Variants in CDH18 observed in about 807,000 individuals in gnomAD.
CDH18 encodes cadherin-18.
A neutral mutation model predicts 67.9 loss-of-function variants in CDH18; 31 were observed. The ratio of observed to expected loss-of-function variants is 0.46; its 90% CI spans 0.34 to 0.62. The LOEUF is 0.62. CDH18 is among the 20% of genes least tolerant of loss of function. The pLI, the probability that CDH18 is intolerant of heterozygous loss-of-function variation, is 0.01. For missense variants in CDH18, 890 were observed against 975.5 expected (o/e 0.91, Z 1.17); for synonymous variants, 362 against 347.2 (o/e 1.04, Z -0.48).
intron 1 of CDH18, among the ~76,000 whole-genome samples, chr5:20,333,722 A>G (rs886307950): frequency 6.6e-6 from 1 of 152,104 alleles, no homozygotes; most frequent in Non-Finnish European, 1.5e-5. Context: ...GCTATTTGCT[A>G]CAGTGTTATG....
chr5:20,242,636 A>ATATATATATATATATATG (rs1743062374), intron 2 of CDH18, among the ~76,000 whole-genome samples: 2 of 58,400 alleles, frequency 3.4e-5, no homozygotes, highest in African/African-American at 1.8e-4. Flanking sequence ...ATATATATGT[A>ATATATATATATATATATG]TATATATATA....
intron 3 of CDH18, among the ~76,000 whole-genome samples, chr5:19,796,819 G>A (rs1776906259): frequency 6.6e-6 from 1 of 152,018 alleles, no homozygotes. Flanking sequence ...ATGGTAAAAT[G>A]TTGATATGTG....
intron 1 of CDH18, among the ~76,000 whole-genome samples, chr5:20,448,625 A>AT (rs1750192083): frequency 6.6e-6 from 1 of 151,916 alleles, no homozygotes; most frequent in East Asian, 1.9e-4. Context: ...ATACTCAAAA[A>AT]TTTTCTCACT....
At chr5:20,222,963 T>C (rs1741347079) in intron 2 of CDH18, among the ~76,000 whole-genome samples, 1 of 152,126 alleles carries the variant, frequency 6.6e-6, no homozygotes, top group Admixed American at 6.6e-5. Flanking sequence ...ACTTGTAATA[T>C]TTCTCCTAGA....
At chr5:19,880,867 T>C (rs1268631894) in intron 2 of CDH18, among the ~76,000 whole-genome samples, 3 of 152,190 alleles carry the variant, frequency 2.0e-5, no homozygotes, top group Admixed American at 1.3e-4. Context: ...TCAAAAGGAA[T>C]GTTTCCCATT....
intron 2 of CDH18, among the ~76,000 whole-genome samples, chr5:19,859,989 G>GGTGGGT (rs1554052083): frequency 5.6e-5 from 8 of 143,148 alleles, no homozygotes; most frequent in African/African-American, 1.3e-4. Context: ...GTTTGCTTTG[G>GGTGGGT]GTGTGTGTGT....
In CDH18 at chr5:20,105,728, T is replaced by C. The variant is rs539464891; in HGVS notation, c.-517-113714A>G. ...ATAACATTTCTAAGATTTGTACCTG[T>C]TGTTGCATGTCTCAGATATTCAGAC... On this transcript the variant is annotated intron_variant, in intron 2 of 14. Transcript: ENST00000507958. 4.6e-5 allele frequency among the ~76,000 whole-genome samples: 7 copies of C among 152,330 alleles called. No homozygotes were observed. The South Asian group carries it at 1.2e-3, about 27-fold the overall frequency.
intron 2 of CDH18, among the ~76,000 whole-genome samples, chr5:19,934,253 G>A: frequency 6.6e-6 from 1 of 151,444 alleles, no homozygotes; most frequent in African/African-American, 2.4e-5. Context: ...ATGAACATTA[G>A]ATGTGAGAAG....
chr5:19,709,699 AAAAAG>A (rs1207436239), intron 5 of CDH18, among the ~76,000 whole-genome samples: 31 of 151,908 alleles, frequency 2.0e-4, no homozygotes, highest in South Asian at 4.1e-4. Flanking sequence ...GAAAAGGAAA[AAAAAG>A]AAAAGAAAAG....
chr5:20,538,763 A>G (rs1756866908), intron 1 of CDH18, among the ~76,000 whole-genome samples: 1 of 152,106 alleles, frequency 6.6e-6, no homozygotes, highest in Non-Finnish European at 1.5e-5. Flanking sequence ...TGGAAAAGAA[A>G]AATATTGCAT....
At chr5:20,570,125 A>T (rs951050977) in intron 1 of CDH18, among the ~76,000 whole-genome samples, 2 of 152,332 alleles carry the variant, frequency 1.3e-5, no homozygotes, top group South Asian at 2.1e-4. Flanking sequence ...TATGTTTGTC[A>T]AAATTTATAT....
intron 1 of CDH18, among the ~76,000 whole-genome samples, chr5:20,459,986 C>T (rs1426337739): frequency 6.6e-6 from 1 of 152,114 alleles, no homozygotes; most frequent in East Asian, 1.9e-4. Context: ...AGAAGGGAGG[C>T]AGGGAAAACC....
intron 2 of CDH18, among the ~76,000 whole-genome samples, chr5:20,195,093 A>T (rs73762529): frequency 0.051 from 7,827 of 152,126 alleles, 238 homozygotes; most frequent in East Asian, 0.14. Flanking sequence ...AAAATAAGTA[A>T]TATGCAGAAG....
At chr5:19,686,991 T>A (rs1022002868) in intron 5 of CDH18, among the ~76,000 whole-genome samples, 5 of 152,070 alleles carry the variant, frequency 3.3e-5, no homozygotes, top group Non-Finnish European at 7.4e-5. Context: ...GATGATCACT[T>A]TAAGTAGAGT....
intron 1 of CDH18, among the ~76,000 whole-genome samples, chr5:20,404,466 C>G (rs1363937886): frequency 6.6e-6 from 1 of 152,042 alleles, no homozygotes; most frequent in Admixed American, 6.6e-5. Context: ...CACTTGAACA[C>G]TTAGAGGCCA....
intron 5 of CDH18, among the ~76,000 whole-genome samples, chr5:19,703,205 T>C (rs1283950425): frequency 2.0e-5 from 3 of 152,118 alleles, no homozygotes; most frequent in Non-Finnish European, 4.4e-5. Context: ...GTGGTGCCTA[T>C]ACATGGGGCT....
At chr5:20,381,407 A>G (rs538779883) in intron 1 of CDH18, among the ~76,000 whole-genome samples, 95 of 152,076 alleles carry the variant, frequency 6.2e-4, no homozygotes, top group African/African-American at 2.1e-3. Flanking sequence ...AGGGGGTGGG[A>G]GCAGAGGATA....
chr5:19,765,994 C>T (rs1278034001), intron 3 of CDH18, among the ~76,000 whole-genome samples: 2 of 152,096 alleles, frequency 1.3e-5, no homozygotes, highest in Non-Finnish European at 2.9e-5. Flanking sequence ...ATTCTCCTGC[C>T]TCAGCCTCCC....
chr5:20,278,254 A>G (rs889828367), intron 1 of CDH18, among the ~76,000 whole-genome samples: 2 of 152,140 alleles, frequency 1.3e-5, no homozygotes, highest in African/African-American at 2.4e-5. Flanking sequence ...AAGGATCCTA[A>G]AAGCAGCAAG....
Sources: allele counts gnomAD v4.1 joint callset (sites outside exome capture counted in the v4.1 genomes callset), GRCh38; gene constraint gnomAD v4.1.1; transcripts MANE v1.5; gene names NCBI Gene and HGNC (gene_info 2026-07-23, HGNC 2026-07-21).